Variants in SDK1 observed in about 807,000 individuals in gnomAD.
SDK1 encodes sidekick cell adhesion molecule 1.
Under a neutral mutation model 245.5 loss-of-function variants are expected in SDK1, and 157 were observed. The ratio of observed to expected loss-of-function variants is 0.64; its 90% CI spans 0.56 to 0.73. The LOEUF (loss-of-function observed/expected upper bound fraction) is 0.73. Ranked by LOEUF, SDK1 falls within the 30% of genes least tolerant of loss-of-function variation. The pLI is 0.00. For synonymous variants in SDK1, 1,647 were observed against 1,278.5 expected (o/e 1.29, Z -6.15); for missense variants, 3,583 against 3,002.3 (o/e 1.19, Z -4.52).
chr7:4,165,872 C>T (rs900406390), intron 32 of SDK1, among the ~76,000 whole-genome samples: 1 of 151,942 alleles, frequency 6.6e-6, no homozygotes, highest in Non-Finnish European at 1.5e-5. Context: ...TTGTAGCCTC[C>T]AACTCCTGGG....
intron 20 of SDK1, among the ~76,000 whole-genome samples, chr7:4,071,851 G>A (rs1249126798): frequency 6.6e-6 from 1 of 152,194 alleles, no homozygotes; most frequent in Non-Finnish European, 1.5e-5. Flanking sequence ...TCTGCAGTCG[G>A]CCATGTTTTG....
intron 7 of SDK1, among the ~76,000 whole-genome samples, chr7:3,957,006 G>A (rs1781322655): frequency 6.6e-6 from 1 of 152,198 alleles, no homozygotes; most frequent in South Asian, 2.1e-4. Flanking sequence ...GTTATCTATG[G>A]ATTTTGTATC....
intron 2 of SDK1, among the ~76,000 whole-genome samples, chr7:3,627,325 A>T (rs1276633139): frequency 6.6e-6 from 1 of 152,154 alleles, no homozygotes; most frequent in East Asian, 1.9e-4. Flanking sequence ...CCTCTGGGGA[A>T]AGTGCCTGTT....
Position 4,051,946 on chromosome 7 carries a change from G to A in SDK1, c.2911+116G>A. On this transcript the variant is annotated intron_variant, in intron 19 of 44. Transcript: ENST00000404826. Reference sequence around the variant, plus strand: ...ATCACGAGGAGGCCCCGGATTTTTGGAGTGCTTGCAGTCAGCTCACCTAGG... The same window carrying A: ...ATCACGAGGAGGCCCCGGATTTTTGAAGTGCTTGCAGTCAGCTCACCTAGG... The A allele has an allele frequency of 3.3e-6, 3 of 914,150 alleles. No individual in the cohort carries two copies. In the South Asian group the frequency reaches 5.2e-5, roughly 16 times the overall value. 56.6% of individuals were successfully genotyped at this position (914,150 alleles called of 1,614,324 possible).
At chr7:3,621,489 G>A (rs747842347) in intron 2 of SDK1, among the ~76,000 whole-genome samples, 3 of 152,208 alleles carry the variant, frequency 2.0e-5, no homozygotes, top group Non-Finnish European at 2.9e-5. Flanking sequence ...CTAATAAGAA[G>A]TAGGCATGAT....
Position 3,721,925 on chromosome 7 carries a change from T to TTTTCCTTTCCTC in SDK1, c.713+79832_713+79843dup, listed in dbSNP as rs1778822236. Among the ~76,000 whole-genome samples, 4 of 152,198 alleles carry TTTTCCTTTCCTC rather than the reference T, an allele frequency of 2.6e-5. No individual in the cohort carries two copies. In the South Asian group the frequency reaches 8.3e-4, roughly 32 times the overall value. On this transcript the variant is annotated intron_variant, in intron 4 of 44. Coordinates refer to ENST00000404826, the MANE Select transcript of SDK1 (RefSeq NM_152744.4). ...TCTCTTCATTATTAACAGTAAATTA[T>TTTTCCTTTCCTC]TTTCCTTTCCTCTTTCCTTTCCTTT... is the stretch of plus-strand genomic sequence containing the variant.
intron 22 of SDK1, among the ~76,000 whole-genome samples, chr7:4,103,115 C>T (rs1053441944): frequency 1.3e-5 from 2 of 151,894 alleles, no homozygotes; most frequent in Non-Finnish European, 2.9e-5. Flanking sequence ...ATTCTCCTGC[C>T]TCAGCCTCCA....
At chr7:3,807,565 A>T (rs1779283197) in intron 4 of SDK1, among the ~76,000 whole-genome samples, 1 of 152,178 alleles carries the variant, frequency 6.6e-6, no homozygotes, top group Non-Finnish European at 1.5e-5. Flanking sequence ...ACAGAGACAG[A>T]CAAAGACACA....
chr7:3,460,119 A>G (rs1177802657), intron 1 of SDK1, among the ~76,000 whole-genome samples: 3 of 152,264 alleles, frequency 2.0e-5, no homozygotes, highest in East Asian at 1.9e-4. Flanking sequence ...TTCATAAACT[A>G]TTGCTTCCTG....
chr7:3,459,860 G>T (rs1583889073), intron 1 of SDK1, among the ~76,000 whole-genome samples: 1 of 152,202 alleles, frequency 6.6e-6, no homozygotes, highest in African/African-American at 2.4e-5. Flanking sequence ...AAAGGAGAGA[G>T]AAATAATGTG....
At chr7:3,329,849 C>T (rs1780025093) in intron 1 of SDK1, among the ~76,000 whole-genome samples, 1 of 152,210 alleles carries the variant, frequency 6.6e-6, no homozygotes, top group Non-Finnish European at 1.5e-5. Context: ...ACTTATATAG[C>T]ATTTATACTT....
intron 34 of SDK1, among the ~76,000 whole-genome samples, chr7:4,176,203 C>G (rs574497401): frequency 2.7e-5 from 4 of 150,358 alleles, no homozygotes; most frequent in African/African-American, 9.8e-5. Flanking sequence ...CACTCTGTTG[C>G]CGAGGCTGGA....
chr7:3,856,556 C>T (rs1780551418), intron 5 of SDK1, among the ~76,000 whole-genome samples: 1 of 150,562 alleles, frequency 6.6e-6, no homozygotes, highest in Non-Finnish European at 1.5e-5. Context: ...TTTGGGAGGC[C>T]GAGGCAGGTG....
intron 22 of SDK1, among the ~76,000 whole-genome samples, chr7:4,094,290 G>T (rs943676538): frequency 3.9e-5 from 6 of 152,156 alleles, no homozygotes; most frequent in African/African-American, 1.4e-4. Flanking sequence ...TCAAACTCCT[G>T]ACCTCAAATG....
intron 5 of SDK1, among the ~76,000 whole-genome samples, chr7:3,890,963 C>T (rs1372309321): frequency 2.0e-5 from 3 of 152,280 alleles, no homozygotes; most frequent in Middle Eastern, 3.4e-3. Flanking sequence ...TATGGGTCTA[C>T]CAGTTGGCTG....
chr7:4,012,313 A>T (rs1466920663), intron 16 of SDK1, 78 bp downstream of exon 16: 2 of 1,391,414 alleles, frequency 1.4e-6, no homozygotes, highest in Non-Finnish European at 1.9e-6. Context: ...GCAAACTCTA[A>T]TGTCTGTAAG....
At chr7:3,777,191 G>A (rs1362500410) in intron 4 of SDK1, among the ~76,000 whole-genome samples, 2 of 152,196 alleles carry the variant, frequency 1.3e-5, no homozygotes, top group African/African-American at 4.8e-5. Context: ...CTCTTGAGAC[G>A]TAAAATGTAT....
chr7:3,691,363 A>G (rs909853540), intron 4 of SDK1, among the ~76,000 whole-genome samples: 1 of 152,192 alleles, frequency 6.6e-6, no homozygotes, highest in African/African-American at 2.4e-5. Context: ...TTAATTTTGG[A>G]TCACAGTGGA....
intron 5 of SDK1, among the ~76,000 whole-genome samples, chr7:3,867,857 T>A (rs1780859700): frequency 6.6e-6 from 1 of 152,248 alleles, no homozygotes; most frequent in Non-Finnish European, 1.5e-5. Context: ...TATCATTCCT[T>A]GACTATGCAT....
Sources: allele counts gnomAD v4.1 joint callset (sites outside exome capture counted in the v4.1 genomes callset), GRCh38; gene constraint gnomAD v4.1.1; transcripts MANE v1.5; gene names NCBI Gene and HGNC (gene_info 2026-07-23, HGNC 2026-07-21).